PREX2: variants seen among roughly 807,000 people sequenced by gnomAD.
PREX2 encodes the protein phosphatidylinositol-3,4,5-trisphosphate dependent Rac exchange factor 2, also known as phosphatidylinositol 3,4,5-trisphosphate-dependent Rac exchanger 2 protein.
PREX2 carries 107 observed loss-of-function variants against 203.2 expected under a neutral mutation model. That is an observed-to-expected ratio of 0.53 (90% CI 0.45 to 0.62). The LOEUF (loss-of-function observed/expected upper bound fraction) is 0.62. PREX2 is among the 20% of genes least tolerant of loss of function. The pLI is 0.00. For synonymous variants in PREX2, 672 were observed against 663.6 expected (o/e 1.01, Z -0.19); for missense variants, 1,777 against 1,955.9 (o/e 0.91, Z 1.72).
At chr8:67,993,656 C>T (rs1331627690) in intron 1 of PREX2, among the ~76,000 whole-genome samples, 1 of 152,156 alleles carries the variant, frequency 6.6e-6, no homozygotes, top group Non-Finnish European at 1.5e-5. Flanking sequence ...GATCTACCTG[C>T]CTCGGCCTCC....
chr8:68,146,357 A>G lies in PREX2; in HGVS notation c.4231+5A>G. ...ATCCTGTTCTTTTTGCACAAGGTAA[A>G]CTGTTTCTCTTTTGATGGCTGCTAT... On this transcript the variant is annotated splice_donor_5th_base_variant and intron_variant, in intron 34 of 39. Coordinates refer to ENST00000288368, the MANE Select transcript of PREX2 (RefSeq NM_024870.4). 1 of 1,608,312 alleles carries G rather than the reference A, an allele frequency of 6.2e-7. No homozygotes were observed. The highest frequency in any genetic ancestry group is 8.5e-7 in the Non-Finnish European group (1 of 1,177,384).
chr8:68,116,198 A>G (rs149865503), intron 26 of PREX2, among the ~76,000 whole-genome samples: 1 of 152,288 alleles, frequency 6.6e-6, no homozygotes, highest in East Asian at 1.9e-4. Flanking sequence ...CTGTATATGG[A>G]TTGTGTAACA....
chr8:68,005,997 A>G (rs925177991), intron 1 of PREX2, among the ~76,000 whole-genome samples: 3 of 152,382 alleles, frequency 2.0e-5, no homozygotes, highest in African/African-American at 7.2e-5. Context: ...CCAGTGGGAC[A>G]CTTGCCCTCA....
chr8:68,097,196 G>A lies in PREX2; in HGVS notation c.2548G>A (p.Ala850Thr). The stretch of plus-strand genomic sequence containing the variant: ...GCCCAAAGGTTTCTTCAGCTTAACT[G>A]CCAAGGTAGGAGCGATGCTGAAGAA... ...IEPKGFFSLT[A>T]KILEALAKSD... Residue 850 changes from alanine (A) to threonine (T), a missense_variant, in exon 22 of 40, where the codon GCC becomes ACC. Ala to Thr is a moderately conservative substitution (Grantham distance 58). Transcript: ENST00000288368. 6.2e-7 allele frequency: 1 copy of A among 1,611,190 alleles called. No individual in the cohort carries two copies. The highest frequency in any genetic ancestry group is 8.5e-7 in the Non-Finnish European group (1 of 1,177,988).
At chr8:68,056,517 A>G (rs1228236078) in intron 10 of PREX2, among the ~76,000 whole-genome samples, 1 of 152,126 alleles carries the variant, frequency 6.6e-6, no homozygotes, top group African/African-American at 2.4e-5. Context: ...AGAGTGACTG[A>G]GTGTTGTTTG....
chr8:68,165,250 G>A (rs1364096133), intron 35 of PREX2, among the ~76,000 whole-genome samples: 1 of 152,000 alleles, frequency 6.6e-6, no homozygotes, highest in East Asian at 1.9e-4. Context: ...GGATCTACAT[G>A]TTTATAATCT....
At chr8:68,004,910 G>A (rs904069088) in intron 1 of PREX2, among the ~76,000 whole-genome samples, 3 of 152,162 alleles carry the variant, frequency 2.0e-5, no homozygotes, top group African/African-American at 7.2e-5. Flanking sequence ...GCCCACAGAA[G>A]GGGAGATTTT....
chr8:68,069,913 C>G (rs890593806), intron 13 of PREX2, 29 bp downstream of exon 13: 3 of 1,320,774 alleles, frequency 2.3e-6, no homozygotes, highest in Admixed American at 3.6e-5. Flanking sequence ...TTCTGGGAAA[C>G]TTAAATGGAA....
At chr8:68,210,125 G>A (rs1812715826) in intron 37 of PREX2, among the ~76,000 whole-genome samples, 1 of 152,086 alleles carries the variant, frequency 6.6e-6, no homozygotes, top group South Asian at 2.1e-4. Flanking sequence ...TGGTACCTTT[G>A]TAGGTAGCAT....
intron 13 of PREX2, among the ~76,000 whole-genome samples, chr8:68,070,179 A>T (rs190070247): frequency 6.6e-6 from 1 of 151,798 alleles, no homozygotes; most frequent in Non-Finnish European, 1.5e-5. Flanking sequence ...ATTATAGTTG[A>T]TTGATTGGGA....
At chr8:67,985,633 A>G (rs1806395042) in intron 1 of PREX2, among the ~76,000 whole-genome samples, 1 of 152,200 alleles carries the variant, frequency 6.6e-6, no homozygotes. Context: ...ATTGTTAAGT[A>G]GGGCAGCTGG....
chr8:68,207,427 G>A (rs540713372), intron 37 of PREX2, among the ~76,000 whole-genome samples: 2 of 151,882 alleles, frequency 1.3e-5, no homozygotes, highest in Admixed American at 1.3e-4. Flanking sequence ...GTCTTTTAGG[G>A]GCATGGATAT....
chr8:68,026,641 C>T (rs1348806366), intron 4 of PREX2, among the ~76,000 whole-genome samples: 1 of 150,448 alleles, frequency 6.6e-6, no homozygotes, highest in African/African-American at 2.5e-5. Context: ...TGTGGAAATC[C>T]TATCTGACCT....
At chr8:68,038,349 T>A in intron 7 of PREX2, 57 bp downstream of exon 7, 1 of 1,574,568 alleles carries the variant, frequency 6.4e-7, no homozygotes, top group Non-Finnish European at 8.7e-7. Flanking sequence ...CCTTTCCCTC[T>A]GTGCTTCCCA....
At chr8:68,072,592 G>T (rs748466498) in intron 14 of PREX2, 22 bp downstream of exon 14, 2 of 1,402,022 alleles carry the variant, frequency 1.4e-6, no homozygotes, top group Non-Finnish European at 2.0e-6. Flanking sequence ...AATAGAAGTT[G>T]CTGAGTTTCA....
intron 13 of PREX2, among the ~76,000 whole-genome samples, chr8:68,070,152 C>T (rs1809155888): frequency 1.3e-5 from 2 of 151,590 alleles, no homozygotes; most frequent in Admixed American, 6.6e-5. Flanking sequence ...AATCCACTTT[C>T]AGTTAATATT....
At chr8:68,007,832 AT>A (rs1436779082) in intron 1 of PREX2, among the ~76,000 whole-genome samples, 1 of 152,100 alleles carries the variant, frequency 6.6e-6, no homozygotes. Context: ...GATGGTCTCG[AT>A]CTCCTGACCT....
chr8:68,108,661 G>A (rs1421241580), intron 24 of PREX2, among the ~76,000 whole-genome samples: 2 of 152,186 alleles, frequency 1.3e-5, no homozygotes, highest in Non-Finnish European at 2.9e-5. Flanking sequence ...AGGAACAGCT[G>A]CAGCAATGCA....
intron 1 of PREX2, among the ~76,000 whole-genome samples, chr8:67,988,184 C>T (rs1383303708): frequency 6.6e-6 from 1 of 152,200 alleles, no homozygotes; most frequent in Non-Finnish European, 1.5e-5. Context: ...TTACTATCTG[C>T]CTCTCCTAAA....
Sources: gnomAD v4.1 joint callset for allele counts (sites outside exome capture counted in the v4.1 genomes callset) on GRCh38, gnomAD v4.1.1 for gene constraint, MANE v1.5 for transcripts, NCBI Gene and HGNC (gene_info 2026-07-23, HGNC 2026-07-21) for gene names.